PLXNA4: variants seen among roughly 807,000 people sequenced by gnomAD.
PLXNA4 encodes plexin A4, also known as plexin-A4.
A neutral mutation model predicts 191.8 loss-of-function variants in PLXNA4; 44 were observed. That is an observed-to-expected ratio of 0.23 (90% CI 0.18 to 0.29). The LOEUF is 0.29. PLXNA4 is among the 10% of genes least tolerant of loss of function. The pLI is 1.00. For missense variants in PLXNA4, 1,800 were observed against 2,488.8 expected, an observed-to-expected ratio of 0.72 and a Z score of 5.89; for synonymous variants, 1,082 against 1,009.5, an observed-to-expected ratio of 1.07 and a Z score of -1.36.
chr7:132,187,942 T>C (rs1027283886), intron 14 of PLXNA4, among the ~76,000 whole-genome samples: 1 of 152,142 alleles, frequency 6.6e-6, no homozygotes, highest in Non-Finnish European at 1.5e-5. Flanking sequence ...CAATCAATTC[T>C]TTAAAGTAGG....
intron 3 of PLXNA4, among the ~76,000 whole-genome samples, chr7:132,394,723 T>C (rs571080399): frequency 6.6e-6 from 1 of 152,236 alleles, no homozygotes; most frequent in African/African-American, 2.4e-5. Context: ...GAAGAAATCA[T>C]GAGAATCTAT....
chr7:132,130,973 G>A (rs532875214), intron 31 of PLXNA4, among the ~76,000 whole-genome samples: 9 of 152,276 alleles, frequency 5.9e-5, no homozygotes, highest in East Asian at 1.9e-4. Flanking sequence ...GCATGGAGCC[G>A]GAATGTGATT....
At chr7:132,233,418 C>G (rs1399987742) in intron 5 of PLXNA4, among the ~76,000 whole-genome samples, 1 of 152,076 alleles carries the variant, frequency 6.6e-6, no homozygotes, top group African/African-American at 2.4e-5. Flanking sequence ...TGTTACAATT[C>G]TAGGATCCAA....
chr7:132,133,391 G>T (rs1439748957), intron 30 of PLXNA4, among the ~76,000 whole-genome samples, 192 bp from the exon 31 acceptor site: 1 of 152,166 alleles, frequency 6.6e-6, no homozygotes, highest in Non-Finnish European at 1.5e-5. Context: ...ACCAGGAAGA[G>T]CCCTCTGCAG....
chr7:132,239,927 C>T (rs1798821827), intron 5 of PLXNA4, among the ~76,000 whole-genome samples: 1 of 152,154 alleles, frequency 6.6e-6, no homozygotes, highest in Non-Finnish European at 1.5e-5. Context: ...TCAGACCTTC[C>T]CCTAAGGAAC....
chr7:132,176,610 A>ATGACTG (rs547309915), intron 20 of PLXNA4, among the ~76,000 whole-genome samples: 12,852 of 151,642 alleles, frequency 0.085, 1,023 homozygotes, highest in African/African-American at 0.22. Context: ...GGGAGTGTGT[A>ATGACTG]TGACTGCATG....
rs73726043 is a variant in PLXNA4 at position 132,407,414 on chromosome 7, G to A, written c.1371+81878C>T. ...AGTGTGTTTTTGAGTCCATTGATCC[G>A]GCACTCTGGATTTCCTCCAGGGATG... On this transcript the variant is annotated intron_variant, in intron 3 of 31. Coordinates refer to ENST00000321063, the MANE Select transcript of PLXNA4 (RefSeq NM_020911.2). Among the ~76,000 whole-genome samples, 437 of 152,206 alleles carry A rather than the reference G, an allele frequency of 2.9e-3. 5 individuals carry two copies. Among genetic ancestry groups the A allele is most frequent in the African/African-American group, 0.01 (422 of 41,520 alleles).
At chr7:132,189,012 GA>G (rs1796994424) in intron 14 of PLXNA4, among the ~76,000 whole-genome samples, 1 of 58,272 alleles carries the variant, frequency 1.7e-5, no homozygotes, top group Non-Finnish European at 3.9e-5. Flanking sequence ...GAGAGAGAGA[GA>G]GAGAGAGAGA....
At position 132,198,541 on chromosome 7, in the gene PLXNA4, G is replaced by A. The variant is rs760471058; in HGVS notation, c.2682C>T (p.Val894=). Residue 894 remains valine (V), a synonymous_variant, in exon 13 of 32, where the codon GTC becomes GTT. Coordinates refer to ENST00000321063, the MANE Select transcript of PLXNA4 (RefSeq NM_020911.2). ...GGCTGCACTCCACGCCAGCAACCTTGACATGGGAGGCGATGTCGCGAAATT... is the reference window on the plus strand; with the variant it reads ...GGCTGCACTCCACGCCAGCAACCTTAACATGGGAGGCGATGTCGCGAAATT... ...GLEFRDIASH[V]KVAGVECSPL... The A allele has an allele frequency of 5.0e-6, 8 of 1,614,132 alleles. No homozygotes were observed. The East Asian group carries it at 1.3e-4, about 27-fold the overall frequency.
At chr7:132,160,588 C>A (rs1795920765) in intron 24 of PLXNA4, among the ~76,000 whole-genome samples, 1 of 152,150 alleles carries the variant, frequency 6.6e-6, no homozygotes, top group South Asian at 2.1e-4. Flanking sequence ...AGTGAGGGCA[C>A]AAGATCCAAG....
chr7:132,616,760 A>AT (rs2116861300), intron 2 of PLXNA4, among the ~76,000 whole-genome samples: 1 of 152,242 alleles, frequency 6.6e-6, no homozygotes, highest in Non-Finnish European at 1.5e-5. Context: ...ACCTCCTGGA[A>AT]TATGCACCTG....
intron 1 of PLXNA4, among the ~76,000 whole-genome samples, chr7:132,522,175 T>C (rs776763496): frequency 6.6e-6 from 1 of 152,114 alleles, no homozygotes; most frequent in Non-Finnish European, 1.5e-5. Context: ...GCATGCTCCA[T>C]GCAGAGGGGA....
At chr7:132,402,359 C>T (rs1052752889) in intron 3 of PLXNA4, among the ~76,000 whole-genome samples, 1 of 152,172 alleles carries the variant, frequency 6.6e-6, no homozygotes, top group Non-Finnish European at 1.5e-5. Flanking sequence ...ACTTGGGGCA[C>T]TCACCTAACA....
Position 132,348,779 on chromosome 7 carries a change from T to A in PLXNA4, c.1372-50557A>T, listed in dbSNP as rs141038577. 2.0e-3 allele frequency among the ~76,000 whole-genome samples: 307 copies of A among 152,212 alleles called. 1 individual carries two copies. Among genetic ancestry groups the A allele is most frequent in the Admixed American group, 5.4e-3 (82 of 15,290 alleles). On this transcript the variant is annotated intron_variant, in intron 3 of 31. Transcript: ENST00000321063. ...GAAGTATTTGGGCTAAACCCTGGAGTGCAGAGAATCACTCTGGTTAGCTCA... is the reference window on the plus strand; with the variant it reads ...GAAGTATTTGGGCTAAACCCTGGAGAGCAGAGAATCACTCTGGTTAGCTCA...
intron 3 of PLXNA4, among the ~76,000 whole-genome samples, chr7:132,488,003 C>T (rs1187058314): frequency 2.0e-5 from 3 of 152,190 alleles, no homozygotes; most frequent in Non-Finnish European, 2.9e-5. Context: ...ACACTGAAGG[C>T]GGTCCACTCA....
intron 4 of PLXNA4, among the ~76,000 whole-genome samples, chr7:132,285,200 C>G (rs1800639247): frequency 6.6e-6 from 1 of 152,134 alleles, no homozygotes; most frequent in Admixed American, 6.5e-5. Context: ...CTAGGATATT[C>G]CCATTTTGTC....
At chr7:132,211,210 C>T (rs1797790406) in intron 9 of PLXNA4, 67 bp from the exon 10 acceptor site, 4 of 1,485,154 alleles carry the variant, frequency 2.7e-6, no homozygotes, top group Non-Finnish European at 2.7e-6. Flanking sequence ...CCTCTGCAGA[C>T]ATAACCCGGA....
chr7:132,226,726 AG>A (rs1467089517), intron 7 of PLXNA4, among the ~76,000 whole-genome samples: 1 of 152,196 alleles, frequency 6.6e-6, no homozygotes, highest in Non-Finnish European at 1.5e-5. Flanking sequence ...TGGGGGGCTC[AG>A]GGCTCCACCG....
chr7:132,550,713 A>G (rs1156420108), intron 1 of PLXNA4, among the ~76,000 whole-genome samples: 4 of 152,192 alleles, frequency 2.6e-5, no homozygotes, highest in Non-Finnish European at 5.9e-5. Flanking sequence ...GAGGAAAGGA[A>G]GAGTCCAGCT....
Sources: allele counts gnomAD v4.1 joint callset (sites outside exome capture counted in the v4.1 genomes callset), GRCh38; gene constraint gnomAD v4.1.1; transcripts MANE v1.5; gene names NCBI Gene and HGNC (gene_info 2026-07-23, HGNC 2026-07-21).